Variants in MICALL2 observed in about 807,000 individuals in gnomAD.
MICALL2 encodes the protein MICAL like 2.
In MICALL2, 111 loss-of-function variants were observed where a neutral mutation model predicts 91.1. The observed-to-expected ratio is 1.22, with a 90% CI of 1.04 to 1.43. MICALL2 has a LOEUF of 1.43. Ranked by LOEUF, MICALL2 falls within the 40% of genes most tolerant of loss-of-function variation. MICALL2 has a pLI of 0.00. For missense variants in MICALL2, 1,556 were observed against 1,236.0 expected, an observed-to-expected ratio of 1.26 and a Z score of -3.88; for synonymous variants, 694 against 525.3, an observed-to-expected ratio of 1.32 and a Z score of -4.39.
chr7:1,456,437 T>C (rs1474514547), intron 1 of MICALL2, among the ~76,000 whole-genome samples: 2 of 150,256 alleles, frequency 1.3e-5, no homozygotes, highest in Admixed American at 6.6e-5. Context: ...AATATGAAAA[T>C]CGGCTGGGTG....
Position 1,442,504 on chromosome 7 carries a change from C to T in MICALL2, c.1419-20G>A. ...GAGGGCCTATAAGTAAAAGCGCAGG[C>T]ATCAGGCACAGCTGGATCCAGGCGC... On this transcript the variant is annotated intron_variant, in intron 6 of 16. Transcript: ENST00000297508. The T allele has an allele frequency of 1.3e-6, 2 of 1,518,246 alleles. No homozygotes were observed. The highest frequency in any genetic ancestry group is 1.8e-6 in the Non-Finnish European group (2 of 1,133,398). The allele number at this position is 1,518,246 out of a possible 1,614,324, so 94.0% of individuals were successfully genotyped here.
chr7:1,434,456 G>A lies in MICALL2; in HGVS notation c.*140C>T, dbSNP rs577583632. 11 of 756,336 alleles carry A rather than the reference G, an allele frequency of 1.5e-5. No individual in the cohort carries two copies. Among genetic ancestry groups the A allele is most frequent in the African/African-American group, 5.1e-5 (3 of 58,488 alleles). The allele number at this position is 756,336 out of a possible 1,614,324, so 46.9% of individuals were successfully genotyped here. A position where few individuals can be genotyped will look rare whatever the true frequency, so the allele number is the denominator to read the frequency against. On this transcript the variant is annotated 3_prime_UTR_variant, in exon 17 of 17. Coordinates refer to ENST00000297508, the MANE Select transcript of MICALL2 (RefSeq NM_182924.4). Reference sequence around the variant, plus strand: ...CTTGTAGGGACAGGAGGCCCTTCCCGAGTCCAAGTCCGAATGCCGGGTCCG... The same window carrying A: ...CTTGTAGGGACAGGAGGCCCTTCCCAAGTCCAAGTCCGAATGCCGGGTCCG...
At chr7:1,446,594 G>A (rs1207276626) in intron 5 of MICALL2, 119 bp downstream of exon 5, 47 of 660,980 alleles carry the variant, frequency 7.1e-5, no homozygotes, top group East Asian at 2.3e-4. Flanking sequence ...GGGGAGAGGG[G>A]AGAGGGGAGA....
chr7:1,434,829 GA>G, intron 16 of MICALL2, 157 bp from the exon 17 acceptor site: 2 of 817,790 alleles, frequency 2.4e-6, no homozygotes, highest in Non-Finnish European at 3.8e-6. Flanking sequence ...TCCCACGTGA[GA>G]ACCTGCCCCG....
chr7:1,442,635 C>CGGACGGACT, intron 6 of MICALL2, 151 bp from the exon 7 acceptor site: 2 of 733,972 alleles, frequency 2.7e-6, no homozygotes, highest in African/African-American at 3.7e-5. Context: ...CCTCCACCTC[C>CGGACGGACT]CCCACCATTG....
At position 1,448,715 on chromosome 7, in the gene MICALL2, T is replaced by C. The variant is rs1405910770; in HGVS notation, c.239A>G (p.Asp80Gly). 2 of 1,612,630 alleles carry C rather than the reference T, an allele frequency of 1.2e-6. No individual in the cohort carries two copies. The highest frequency in any genetic ancestry group is 2.2e-5 in the East Asian group (1 of 44,864). ...CTTCAAGGCCACCATGTCCTCGGCA[T>C]CCAGCAAGGCTGGGATGCCCAAGTG... ...EEHLGIPALL[D>G]AEDMVALKVP... Residue 80 changes from aspartate (D) to glycine (G), a missense_variant, in exon 3 of 17, where the codon GAT (aspartate) becomes GGT (glycine). Transcript: ENST00000297508.
intron 1 of MICALL2, among the ~76,000 whole-genome samples, chr7:1,456,053 A>C (rs1288453867): frequency 6.6e-6 from 1 of 151,798 alleles, no homozygotes; most frequent in Non-Finnish European, 1.5e-5. Flanking sequence ...CCACCACCTC[A>C]TCCAGAGGTA....
chr7:1,448,573 TG>T, intron 3 of MICALL2, 46 bp downstream of exon 3: 1 of 1,603,570 alleles, frequency 6.2e-7, no homozygotes, highest in Non-Finnish European at 8.5e-7. Flanking sequence ...AGGCCAAGGA[TG>T]GGGGGCCTGG....
intron 1 of MICALL2, among the ~76,000 whole-genome samples, chr7:1,450,864 C>A (rs1473266109): frequency 6.6e-6 from 1 of 152,230 alleles, no homozygotes; most frequent in Non-Finnish European, 1.5e-5. Context: ...GTTCACCCTG[C>A]AGTGAAGGGT....
chr7:1,446,699 G>A lies in MICALL2; in HGVS notation c.641+14C>T, dbSNP rs1185145298. On this transcript the variant is annotated intron_variant, in intron 5 of 16. Transcript: ENST00000297508. ...AGGTGCACACTCAGGCGTGCGGGCA[G>A]AGGGCAGCCCCACCTGAAGCAGCTC... is the stretch of plus-strand genomic sequence containing the variant. The A allele has an allele frequency of 6.4e-7, 1 of 1,569,846 alleles. No individual in the cohort carries two copies. The highest frequency in any genetic ancestry group is 8.6e-7 in the Non-Finnish European group (1 of 1,156,220).
intron 14 of MICALL2, 152 bp downstream of exon 14, chr7:1,437,383 G>A (rs1003386344): frequency 1.4e-4 from 81 of 583,244 alleles, no homozygotes; most frequent in Non-Finnish European, 9.8e-5. Context: ...CCAGGAGGTG[G>A]GAGATTTGAA....
At chr7:1,450,324 G>C (rs1279610204) in intron 1 of MICALL2, 36 bp from the exon 2 acceptor site, 4 of 1,598,762 alleles carry the variant, frequency 2.5e-6, no homozygotes, top group South Asian at 1.1e-5. Flanking sequence ...AAGCAGCTCA[G>C]AGTCCACGAA....
At chr7:1,453,714 G>A (rs1181610071) in intron 1 of MICALL2, among the ~76,000 whole-genome samples, 2 of 152,076 alleles carry the variant, frequency 1.3e-5, no homozygotes, top group African/African-American at 2.4e-5. Context: ...GCCCACCTCC[G>A]AGACATGGCA....
At chr7:1,444,273 C>CATCCACTCA (rs1399109667) in intron 6 of MICALL2, among the ~76,000 whole-genome samples, 1 of 147,228 alleles carries the variant, frequency 6.8e-6, no homozygotes, top group Admixed American at 6.7e-5. Context: ...CCTGTCCCCG[C>CATCCACTCA]GTCCACTCAG....
chr7:1,443,257 G>A (rs1780399770), intron 6 of MICALL2, among the ~76,000 whole-genome samples: 2 of 151,352 alleles, frequency 1.3e-5, no homozygotes, highest in South Asian at 4.2e-4. Flanking sequence ...CAGTCCCTAG[G>A]ATGCCCTGGA....
In MICALL2 at chr7:1,437,977, T is replaced by A; in HGVS notation, c.2315A>T (p.Asp772Val). Residue 772 changes from aspartate (D) to valine (V), a missense_variant, in exon 13 of 17, where the codon GAC (aspartate) becomes GTC (valine). By Grantham distance (152) the Asp-to-Val change is radical (BLOSUM62 -3). Transcript: ENST00000297508. ...GTCCACCATGAGGCTATCCTCAGCG[T>A]CATCTGGGGAGAGGAGCCAGCTGGG... Reference protein sequence around the residue: ...EKRLRAAEGDDAEDSLMVDWF... With the variant: ...EKRLRAAEGDVAEDSLMVDWF... 1 of 1,550,590 alleles carries A rather than the reference T, an allele frequency of 6.4e-7. No homozygotes were observed. Among genetic ancestry groups the A allele is most frequent in the Non-Finnish European group, 8.7e-7 (1 of 1,147,470 alleles).
chr7:1,457,419 G>A (rs1018928488), intron 1 of MICALL2, among the ~76,000 whole-genome samples: 15 of 152,162 alleles, frequency 9.9e-5, no homozygotes, highest in African/African-American at 3.1e-4. Flanking sequence ...CCTCCTTCCT[G>A]TTCTGGCCTC....
At position 1,445,057 on chromosome 7, in the gene MICALL2, G is replaced by A; in HGVS notation, c.1013C>T (p.Pro338Leu). Residue 338 changes from proline to leucine, a missense_variant, in exon 6 of 17, where the codon CCT becomes CTT. Pro to Leu is a moderately conservative substitution (Grantham distance 98). Coordinates refer to ENST00000297508, the MANE Select transcript of MICALL2 (RefSeq NM_182924.4). ...CATCGGGGAGCTATTGGTCACACGA[G>A]GGCGGACTTTCCCCTCCGTGGGAGT... ...APTPTEGKVRPRVTNSSPMGW... is the reference protein window; with the variant it reads ...APTPTEGKVRLRVTNSSPMGW... 1 of 1,547,808 alleles carries A rather than the reference G, an allele frequency of 6.5e-7. No individual in the cohort carries two copies. The highest frequency in any genetic ancestry group is 8.7e-7 in the Non-Finnish European group (1 of 1,146,170).
At position 1,452,176 on chromosome 7, in the gene MICALL2, C is replaced by T. The variant is rs755270616; in HGVS notation, c.144-1888G>A. Among the ~76,000 whole-genome samples, 31 of 152,220 alleles carry T rather than the reference C, an allele frequency of 2.0e-4. 1 individual carries two copies. Among genetic ancestry groups the T allele is most frequent in the Non-Finnish European group, 2.1e-4 (14 of 68,038 alleles). ...CGTCTGCACAGGCGGAGCTTCTGCA[C>T]GCCGGACAAGATGGGGCGCGGACTC... On this transcript the variant is annotated intron_variant, in intron 1 of 16. Coordinates refer to ENST00000297508, the MANE Select transcript of MICALL2 (RefSeq NM_182924.4). This position sits in a 1 kb window ranked among gnomAD's most constrained non-coding sequence, Gnocchi z 6.2.
Sources: allele counts gnomAD v4.1 joint callset (sites outside exome capture counted in the v4.1 genomes callset), GRCh38; gene constraint gnomAD v4.1.1; non-coding constraint Gnocchi (gnomAD v3.1); transcripts MANE v1.5; gene names NCBI Gene and HGNC (gene_info 2026-07-23, HGNC 2026-07-21).